The following WDPCP variants were observed in gnomAD, a reference collection of about 807,000 sequenced individuals.
WDPCP encodes the protein WD repeat containing planar cell polarity effector.
In WDPCP, 71 loss-of-function variants were observed where a neutral mutation model predicts 93.1. That is an observed-to-expected ratio of 0.76 (90% CI 0.63 to 0.93). WDPCP has a LOEUF of 0.93. Among genes scored for constraint, WDPCP ranks in the 40% least tolerant of loss-of-function variants. WDPCP has a pLI of 0.00. For synonymous variants in WDPCP, 315 were observed against 315.0 expected, an observed-to-expected ratio of 1.00 and a Z score of 0.00; for missense variants, 844 against 887.4, an observed-to-expected ratio of 0.95 and a Z score of 0.62.
At chr2:63,316,008 C>T (rs934252949) in intron 12 of WDPCP, among the ~76,000 whole-genome samples, 4 of 152,062 alleles carry the variant, frequency 2.6e-5, no homozygotes, top group East Asian at 1.9e-4. Context: ...AGTGATCTTC[C>T]TGCCTCAGCC....
intron 14 of WDPCP, among the ~76,000 whole-genome samples, chr2:63,206,114 A>G (rs770381158): frequency 3.9e-5 from 6 of 152,158 alleles, no homozygotes; most frequent in Non-Finnish European, 8.8e-5. Context: ...TGTTGATATG[A>G]TGTATCACAT....
chr2:63,514,684 C>A (rs76093919), intron 1 of WDPCP, among the ~76,000 whole-genome samples: 43 of 151,994 alleles, frequency 2.8e-4, no homozygotes, highest in Non-Finnish European at 5.3e-4. Context: ...TCTAGATAGA[C>A]GTTAAACACC....
At chr2:63,132,706 G>C (rs906811587) in intron 17 of WDPCP, among the ~76,000 whole-genome samples, 27 of 151,730 alleles carry the variant, frequency 1.8e-4, no homozygotes, top group Admixed American at 1.3e-4. Flanking sequence ...TTTTAATAAT[G>C]TCTATCTCTG....
At chr2:63,573,557 C>T (rs1451684646) in intron 1 of WDPCP, among the ~76,000 whole-genome samples, 1 of 152,164 alleles carries the variant, frequency 6.6e-6, no homozygotes, top group African/African-American at 2.4e-5. Flanking sequence ...ATTCCATCAT[C>T]TTCGTAAGCT....
intron 2 of WDPCP, among the ~76,000 whole-genome samples, chr2:63,754,850 CATT>C (rs1669937877): frequency 6.6e-6 from 1 of 152,178 alleles, no homozygotes; most frequent in Non-Finnish European, 1.5e-5. Context: ...TTTATTATCT[CATT>C]GTTATTTTGG....
intron 3 of WDPCP, among the ~76,000 whole-genome samples, chr2:63,631,854 ACT>A (rs897709624): frequency 6.6e-6 from 1 of 152,046 alleles, no homozygotes; most frequent in African/African-American, 2.4e-5. Context: ...ACAGCCACAG[ACT>A]CTGTGCAGCT....
At chr2:63,320,968 A>C (rs1448830076) in intron 12 of WDPCP, among the ~76,000 whole-genome samples, 1 of 152,080 alleles carries the variant, frequency 6.6e-6, no homozygotes, top group Non-Finnish European at 1.5e-5. Context: ...GATAGTTTGA[A>C]AGTACATAAA....
intron 2 of WDPCP, among the ~76,000 whole-genome samples, chr2:63,661,755 A>T (rs1444819569): frequency 6.6e-6 from 1 of 152,220 alleles, no homozygotes; most frequent in African/African-American, 2.4e-5. Flanking sequence ...TGCTAAATAC[A>T]ATACAGGGTA....
chr2:63,245,170 C>T (rs1366363526), intron 14 of WDPCP, among the ~76,000 whole-genome samples: 1 of 152,118 alleles, frequency 6.6e-6, no homozygotes, highest in African/African-American at 2.4e-5. Context: ...GATGCCCTCA[C>T]ACAAGCACAC....
At chr2:63,482,512 G>A (rs1483673521) in intron 6 of WDPCP, among the ~76,000 whole-genome samples, 2 of 151,894 alleles carry the variant, frequency 1.3e-5, no homozygotes, top group Non-Finnish European at 2.9e-5. Context: ...TTAACTAAAA[G>A]GGCTAAGGGG....
At chr2:63,491,069 T>C (rs994605898) in intron 2 of WDPCP, among the ~76,000 whole-genome samples, 1 of 152,230 alleles carries the variant, frequency 6.6e-6, no homozygotes, top group African/African-American at 2.4e-5. Flanking sequence ...AGATTTCTTT[T>C]ACACTTTTGA....
intron 3 of WDPCP, among the ~76,000 whole-genome samples, chr2:63,596,891 C>T (rs1709322923): frequency 6.6e-6 from 1 of 152,172 alleles, no homozygotes; most frequent in African/African-American, 2.4e-5. Context: ...TCTCTTTAAA[C>T]CTCAGTGTCT....
intron 9 of WDPCP, among the ~76,000 whole-genome samples, chr2:63,431,378 T>C (rs1696747282): frequency 1.3e-5 from 2 of 152,166 alleles, no homozygotes; most frequent in South Asian, 2.1e-4. Context: ...AATAAAAGCT[T>C]ATCTTTTCTG....
intron 13 of WDPCP, among the ~76,000 whole-genome samples, chr2:63,293,415 T>C (rs1050703865): frequency 1.3e-5 from 2 of 152,142 alleles, no homozygotes; most frequent in African/African-American, 4.8e-5. Context: ...TGGAGAAGGA[T>C]GTGAATCTGA....
intron 2 of WDPCP, among the ~76,000 whole-genome samples, chr2:63,793,109 CT>C (rs1670566914): frequency 6.6e-6 from 1 of 151,824 alleles, no homozygotes; most frequent in Non-Finnish European, 1.5e-5. Context: ...TCAGTTTGAG[CT>C]TCTTGATTTT....
At chr2:63,617,474 G>A (rs1275223639) in intron 3 of WDPCP, among the ~76,000 whole-genome samples, 1 of 152,120 alleles carries the variant, frequency 6.6e-6, no homozygotes, top group Non-Finnish European at 1.5e-5. Context: ...TGTACACATA[G>A]GAGTCCCACA....
chr2:63,466,787 A>G lies in WDPCP; in HGVS notation c.384+17817T>C, dbSNP rs116860827. ...GACACATATGATTAACTATAACTGA[A>G]TAAATATGAGAAAAATTAATAGTCC... On this transcript the variant is annotated intron_variant, in intron 6 of 17. Transcript: ENST00000272321. Among the ~76,000 whole-genome samples, 84 of 152,354 alleles carry G rather than the reference A, an allele frequency of 5.5e-4. 2 individuals carry two copies. In the East Asian group the frequency reaches 0.015, roughly 27 times the overall value.
intron 1 of WDPCP, among the ~76,000 whole-genome samples, chr2:63,587,880 G>T (rs1420951025): frequency 6.6e-6 from 1 of 152,250 alleles, no homozygotes; most frequent in Non-Finnish European, 1.5e-5. Context: ...CATTCACGGA[G>T]GGCTTAGAGC....
chr2:63,166,066 A>T (rs1437529863), intron 15 of WDPCP, among the ~76,000 whole-genome samples: 1 of 150,546 alleles, frequency 6.6e-6, no homozygotes, highest in Non-Finnish European at 1.5e-5. Context: ...TTTAATTTTA[A>T]TTTTAATTTT....
Sources: allele counts gnomAD v4.1 joint callset (sites outside exome capture counted in the v4.1 genomes callset), GRCh38; gene constraint gnomAD v4.1.1; transcripts MANE v1.5; gene names NCBI Gene and HGNC (gene_info 2026-07-23, HGNC 2026-07-21).